LRMDA: variants seen among roughly 807,000 people sequenced by gnomAD.
The protein encoded by LRMDA is leucine-rich melanocyte differentiation-associated protein.
A neutral mutation model predicts 29.8 loss-of-function variants in LRMDA; 18 were observed. That is an observed-to-expected ratio of 0.60 (90% CI 0.42 to 0.90). The LOEUF (loss-of-function observed/expected upper bound fraction) is 0.90, where lower values mean the gene tolerates loss of function less well. Among genes scored for constraint, LRMDA ranks in the 40% least tolerant of loss-of-function variants. LRMDA has a pLI of 0.00. For synonymous variants in LRMDA, 125 were observed against 109.4 expected (o/e 1.14, Z -0.89); for missense variants, 273 against 273.9 (o/e 1.00, Z 0.02).
intron 2 of LRMDA, among the ~76,000 whole-genome samples, chr10:75,980,051 G>A (rs1808498119): frequency 6.6e-6 from 1 of 152,024 alleles, no homozygotes; most frequent in Admixed American, 6.6e-5. Context: ...TGAACAGAAG[G>A]TACAGCAACT....
At chr10:75,484,055 A>G (rs1844882829) in intron 2 of LRMDA, among the ~76,000 whole-genome samples, 1 of 152,088 alleles carries the variant, frequency 6.6e-6, no homozygotes, top group Non-Finnish European at 1.5e-5. Flanking sequence ...TCATGGGCTT[A>G]AGCAATCCTC....
At chr10:76,047,136 C>T (rs1287138044) in intron 3 of LRMDA, 28 bp from the exon 4 acceptor site, 2 of 1,613,232 alleles carry the variant, frequency 1.2e-6, no homozygotes, top group Non-Finnish European at 1.7e-6. Context: ...TTTTGTCTTA[C>T]TGGACCAAGA....
At chr10:76,495,119 T>C (rs183227501) in intron 6 of LRMDA, among the ~76,000 whole-genome samples, 123 of 152,016 alleles carry the variant, frequency 8.1e-4, no homozygotes, top group Non-Finnish European at 1.5e-3. Context: ...TCTGGAAGTT[T>C]TAGTGTTTTA....
At chr10:75,455,680 A>G (rs569119719) in intron 2 of LRMDA, among the ~76,000 whole-genome samples, 4 of 152,332 alleles carry the variant, frequency 2.6e-5, no homozygotes, top group African/African-American at 9.6e-5. Flanking sequence ...GCTCCTAGAC[A>G]GGGGCATACC....
chr10:75,970,502 T>C (rs1481564730), intron 2 of LRMDA, among the ~76,000 whole-genome samples: 2 of 152,224 alleles, frequency 1.3e-5, no homozygotes, highest in African/African-American at 4.8e-5. Flanking sequence ...CCACCTTCAT[T>C]TTCTCTCCCA....
At chr10:75,617,407 G>A (rs1271139982) in intron 2 of LRMDA, among the ~76,000 whole-genome samples, 3 of 152,116 alleles carry the variant, frequency 2.0e-5, no homozygotes, top group Non-Finnish European at 4.4e-5. Flanking sequence ...GGAGAATTTG[G>A]CCAACTCAGA....
intron 2 of LRMDA, among the ~76,000 whole-genome samples, chr10:75,706,472 A>G (rs1842370468): frequency 1.3e-5 from 2 of 152,232 alleles, no homozygotes. Context: ...AATGATTTTC[A>G]TAAGAAGCTT....
At chr10:75,766,783 C>T (rs1235401914) in intron 2 of LRMDA, among the ~76,000 whole-genome samples, 1 of 151,942 alleles carries the variant, frequency 6.6e-6, no homozygotes. Flanking sequence ...TCCTAATGCC[C>T]TCCCTCCCCT....
At chr10:75,648,147 AG>A (rs1841551930) in intron 2 of LRMDA, among the ~76,000 whole-genome samples, 2 of 152,334 alleles carry the variant, frequency 1.3e-5, no homozygotes, top group South Asian at 4.1e-4. Flanking sequence ...CATTAAGTTA[AG>A]TAATCTTCAC....
intron 5 of LRMDA, among the ~76,000 whole-genome samples, chr10:76,086,406 C>A (rs1390365277): frequency 1.5e-5 from 1 of 67,474 alleles, no homozygotes; most frequent in Non-Finnish European, 2.8e-5. Flanking sequence ...TGGGAAAATT[C>A]ACTGTTTATT....
intron 2 of LRMDA, among the ~76,000 whole-genome samples, chr10:76,016,159 A>G (rs1847875551): frequency 6.6e-6 from 1 of 152,232 alleles, no homozygotes; most frequent in African/African-American, 2.4e-5. Context: ...CTAATACTTC[A>G]GATAAAAGCA....
At chr10:76,044,439 GT>G (rs3042545) in intron 3 of LRMDA, among the ~76,000 whole-genome samples, 4,222 of 136,962 alleles carry the variant, frequency 0.031, 158 homozygotes, top group East Asian at 0.24. Flanking sequence ...TTTTTTCTTT[GT>G]TTTTTTTTTT....
intron 6 of LRMDA, among the ~76,000 whole-genome samples, chr10:76,436,236 G>C (rs1334225844): frequency 6.6e-6 from 1 of 152,182 alleles, no homozygotes. Context: ...ACAGTGCTCA[G>C]GGACAAATGT....
At chr10:75,890,225 G>GA (rs975453169) in intron 2 of LRMDA, among the ~76,000 whole-genome samples, 3 of 152,052 alleles carry the variant, frequency 2.0e-5, no homozygotes, top group African/African-American at 7.2e-5. Context: ...AGAGACATTG[G>GA]AAAATCTGTC....
At chr10:75,625,725 C>G (rs1185889162) in intron 2 of LRMDA, among the ~76,000 whole-genome samples, 2 of 152,198 alleles carry the variant, frequency 1.3e-5, no homozygotes, top group Non-Finnish European at 2.9e-5. Flanking sequence ...TTACTGTTCT[C>G]TCATCCTATC....
chr10:75,952,449 G>T (rs776078896), intron 2 of LRMDA, among the ~76,000 whole-genome samples: 13 of 152,128 alleles, frequency 8.5e-5, no homozygotes, highest in Non-Finnish European at 1.8e-4. Flanking sequence ...AAGTGTTGAA[G>T]AAAAATTCTG....
At chr10:75,952,847 C>T (rs924577910) in intron 2 of LRMDA, among the ~76,000 whole-genome samples, 2 of 152,078 alleles carry the variant, frequency 1.3e-5, no homozygotes, top group African/African-American at 2.4e-5. Context: ...CTCCGCCTCC[C>T]GGGTTCAAGC....
rs866854103 is a variant in LRMDA at position 76,230,179 on chromosome 10, A to G, written c.517-94222A>G. Reference sequence around the variant, plus strand: ...ACTCTGAAATCAAGCAACACCAAGCAGAAAGCAGAGAGGGAAACTTGTCCC... The same window carrying G: ...ACTCTGAAATCAAGCAACACCAAGCGGAAAGCAGAGAGGGAAACTTGTCCC... On this transcript the variant is annotated intron_variant, in intron 5 of 6. Transcript: ENST00000611255. Among the ~76,000 whole-genome samples, 21 of 152,246 alleles carry G rather than the reference A, an allele frequency of 1.4e-4. No individual in the cohort carries two copies. The Middle Eastern group carries it at 0.017, about 123-fold the overall frequency.
intron 2 of LRMDA, among the ~76,000 whole-genome samples, chr10:75,870,361 G>T (rs1273357520): frequency 1.6e-5 from 2 of 124,160 alleles, no homozygotes; most frequent in East Asian, 2.7e-4. Context: ...ATAATGAATT[G>T]ATTTCTCTGC....
Sources: allele counts gnomAD v4.1 joint callset (sites outside exome capture counted in the v4.1 genomes callset), GRCh38; gene constraint gnomAD v4.1.1; transcripts MANE v1.5; gene names NCBI Gene and HGNC (gene_info 2026-07-23, HGNC 2026-07-21).